The following KCTD8 variants were observed in gnomAD, a reference collection of about 807,000 sequenced individuals.
KCTD8 encodes the protein BTB/POZ domain-containing protein KCTD8.
KCTD8 carries 27 observed loss-of-function variants against 31.5 expected under a neutral mutation model. The ratio of observed to expected loss-of-function variants is 0.86; its 90% confidence interval spans 0.63 to 1.18. The LOEUF is 1.18. KCTD8 is among the 50% of genes most tolerant of loss of function. The pLI is 0.00. For missense variants in KCTD8, 658 were observed against 647.7 expected (o/e 1.02, Z -0.17); for synonymous variants, 290 against 280.0 (o/e 1.04, Z -0.36).
At chr4:44,330,681 G>A (rs959028268) in intron 1 of KCTD8, among the ~76,000 whole-genome samples, 2 of 151,638 alleles carry the variant, frequency 1.3e-5, no homozygotes, top group African/African-American at 2.4e-5. Context: ...TCTGAGCCTC[G>A]GTGAATATGT....
intron 1 of KCTD8, among the ~76,000 whole-genome samples, chr4:44,226,124 G>A (rs932590492): frequency 3.9e-5 from 6 of 151,912 alleles, no homozygotes; most frequent in Non-Finnish European, 8.8e-5. Flanking sequence ...CACTGCGCCC[G>A]GCCCTCCTCA....
chr4:44,327,826 G>A (rs942570909), intron 1 of KCTD8, among the ~76,000 whole-genome samples: 6 of 151,736 alleles, frequency 4.0e-5, no homozygotes, highest in Non-Finnish European at 7.4e-5. Context: ...TACAGTTGCT[G>A]TGAAAGTTTA....
At chr4:44,219,242 G>T (rs1056069643) in intron 1 of KCTD8, among the ~76,000 whole-genome samples, 1 of 152,126 alleles carries the variant, frequency 6.6e-6, no homozygotes, top group African/African-American at 2.4e-5. Flanking sequence ...GTGACAACAC[G>T]AAACAAAAAC....
intron 1 of KCTD8, among the ~76,000 whole-genome samples, chr4:44,371,327 G>A (rs1364740358): frequency 6.6e-6 from 1 of 152,138 alleles, no homozygotes; most frequent in Admixed American, 6.6e-5. Context: ...TCAACTATCA[G>A]GGTATCACTT....
At chr4:44,324,503 T>C (rs958036340) in intron 1 of KCTD8, among the ~76,000 whole-genome samples, 2 of 152,064 alleles carry the variant, frequency 1.3e-5, no homozygotes, top group East Asian at 1.9e-4. Context: ...AGAAAGTAAT[T>C]TTGTTTCCAC....
At chr4:44,241,046 T>C (rs1472377647) in intron 1 of KCTD8, among the ~76,000 whole-genome samples, 2 of 152,240 alleles carry the variant, frequency 1.3e-5, no homozygotes, top group African/African-American at 4.8e-5. Context: ...ACCAATTCTT[T>C]TAACCCTTGG....
chr4:44,195,079 T>C (rs896747328), intron 1 of KCTD8, among the ~76,000 whole-genome samples: 3 of 151,764 alleles, frequency 2.0e-5, no homozygotes, highest in African/African-American at 4.8e-5. Flanking sequence ...GGTTTCACCA[T>C]GTTGGTCAGG....
chr4:44,289,154 C>G (rs1211575231), intron 1 of KCTD8, among the ~76,000 whole-genome samples: 1 of 151,392 alleles, frequency 6.6e-6, no homozygotes, highest in East Asian at 1.9e-4. Flanking sequence ...ACTAAACTAT[C>G]AAGTGTTTCA....
At chr4:44,446,522 C>T (rs1266261507) in intron 1 of KCTD8, among the ~76,000 whole-genome samples, 1 of 152,108 alleles carries the variant, frequency 6.6e-6, no homozygotes, top group Non-Finnish European at 1.5e-5. Context: ...GTGCCCACCA[C>T]AGCCCCACCC....
chr4:44,315,738 T>C (rs1560424085), intron 1 of KCTD8, among the ~76,000 whole-genome samples: 1 of 152,154 alleles, frequency 6.6e-6, no homozygotes, highest in Non-Finnish European at 1.5e-5. Flanking sequence ...TGTAGAACTC[T>C]AGGTTTAAAA....
chr4:44,334,025 TAGCTAA>T (rs1184807414), intron 1 of KCTD8, among the ~76,000 whole-genome samples: 1 of 152,108 alleles, frequency 6.6e-6, no homozygotes, highest in Non-Finnish European at 1.5e-5. Context: ...TACCCATTTA[TAGCTAA>T]TTTAAAAGAT....
intron 1 of KCTD8, among the ~76,000 whole-genome samples, chr4:44,359,490 G>A (rs1349649137): frequency 1.3e-5 from 2 of 152,022 alleles, no homozygotes; most frequent in African/African-American, 2.4e-5. Context: ...ATACCTTAGC[G>A]ACAGAGAAGG....
intron 1 of KCTD8, among the ~76,000 whole-genome samples, chr4:44,274,833 CA>C (rs541747524): frequency 1.3e-3 from 188 of 144,262 alleles, no homozygotes; most frequent in African/African-American, 3.6e-3. Flanking sequence ...TGCTATAAAG[CA>C]AAAAAAAAAA....
intron 1 of KCTD8, among the ~76,000 whole-genome samples, chr4:44,206,072 AGCT>A (rs1403440818): frequency 6.6e-6 from 1 of 152,158 alleles, no homozygotes; most frequent in Non-Finnish European, 1.5e-5. Context: ...AGTGAAGGCA[AGCT>A]TTCTTAGATT....
At chr4:44,318,242 T>C (rs577780129) in intron 1 of KCTD8, among the ~76,000 whole-genome samples, 1 of 152,208 alleles carries the variant, frequency 6.6e-6, no homozygotes, top group Non-Finnish European at 1.5e-5. Context: ...TTTCTTTCTT[T>C]CTTTCTTTTA....
rs796386710 is a variant in KCTD8, at chr4:44,312,055, C to G, written c.961+135508G>C. Among the ~76,000 whole-genome samples the G allele has an allele frequency of 1.2e-4, 19 of 152,036 alleles. No individual in the cohort carries two copies. In the East Asian group the frequency reaches 3.5e-3, roughly 28 times the overall value. The stretch of plus-strand genomic sequence containing the variant: ...ATTCTTCTTTGAGTTTGGGGTGTAT[C>G]TATTCATGATTTTTTAAAAAGTTGG... On this transcript the variant is annotated intron_variant, in intron 1 of 1. Coordinates refer to ENST00000360029, the MANE Select transcript of KCTD8 (RefSeq NM_198353.3).
intron 1 of KCTD8, among the ~76,000 whole-genome samples, chr4:44,202,510 A>G (rs1263355971): frequency 2.0e-5 from 3 of 152,220 alleles, no homozygotes; most frequent in Admixed American, 6.5e-5. Flanking sequence ...CATTATACTA[A>G]GCAATTTTAT....
intron 1 of KCTD8, among the ~76,000 whole-genome samples, chr4:44,336,576 T>C (rs1019761110): frequency 1.3e-5 from 2 of 152,058 alleles, no homozygotes; most frequent in African/African-American, 2.4e-5. Context: ...TAAACAGATA[T>C]AAGCGTTACA....
At chr4:44,390,951 G>C (rs1420269318) in intron 1 of KCTD8, among the ~76,000 whole-genome samples, 2 of 151,872 alleles carry the variant, frequency 1.3e-5, no homozygotes, top group Non-Finnish European at 1.5e-5. Context: ...CTACCCAGAG[G>C]AAAAGAAGTC....
Sources: gnomAD v4.1 joint callset for allele counts (sites outside exome capture counted in the v4.1 genomes callset) on GRCh38, gnomAD v4.1.1 for gene constraint, MANE v1.5 for transcripts, NCBI Gene and HGNC (gene_info 2026-07-23, HGNC 2026-07-21) for gene names.